The following CYRIB variants were observed in gnomAD, a reference collection of about 807,000 sequenced individuals.
CYRIB encodes the protein CYFIP-related Rac1 interactor B.
A neutral mutation model predicts 44.2 loss-of-function variants in CYRIB; 8 were observed. The ratio of observed to expected loss-of-function variants is 0.18; its 90% CI spans 0.11 to 0.33. The LOEUF (loss-of-function observed/expected upper bound fraction) is 0.33, where lower values mean the gene tolerates loss of function less well. CYRIB is among the 10% of genes least tolerant of loss of function. CYRIB has a pLI of 1.00. For synonymous variants in CYRIB, 131 were observed against 127.2 expected, an observed-to-expected ratio of 1.03 and a Z score of -0.20; for missense variants, 185 against 382.8, an observed-to-expected ratio of 0.48 and a Z score of 4.31.
At chr8:129,881,795 G>T (rs1439627172) in intron 2 of CYRIB, among the ~76,000 whole-genome samples, 1 of 152,148 alleles carries the variant, frequency 6.6e-6, no homozygotes, top group East Asian at 1.9e-4. Context: ...AGTGGATTAG[G>T]TGACATTAAG....
chr8:129,892,097 C>G (rs568916942), intron 2 of CYRIB, among the ~76,000 whole-genome samples: 2 of 152,072 alleles, frequency 1.3e-5, no homozygotes, highest in East Asian at 3.9e-4. Flanking sequence ...ACCACCAATG[C>G]AAATTACTGT....
Position 129,967,494 on chromosome 8 carries a change from T to C in CYRIB, c.-243+3449A>G, listed in dbSNP as rs377658963. On this transcript the variant is annotated intron_variant, in intron 2 of 14. Transcript: ENST00000401979. Reference sequence around the variant, plus strand: ...TCCCAGGTTCACGCCATTCTCCTGCTTCAGCCTCCCGAGTAGCTGGGACTA... The same window carrying C: ...TCCCAGGTTCACGCCATTCTCCTGCCTCAGCCTCCCGAGTAGCTGGGACTA... 2.0e-4 allele frequency among the ~76,000 whole-genome samples: 30 copies of C among 151,932 alleles called. 1 individual carries two copies. In the South Asian group the frequency reaches 5.0e-3, roughly 25 times the overall value.
exon 12 of CYRIB, chr8:129,842,012 G>T (rs2036561039): frequency 7.6e-6 from 5 of 659,208 alleles, no homozygotes; most frequent in Non-Finnish European, 1.0e-5. Flanking sequence ...TAAAAAAGAG[G>T]GAAGAGGAAC....
chr8:129,854,240 C>T lies in CYRIB; in HGVS notation c.516+26G>A, dbSNP rs1404314476. ...CTGAGCACTAAGTTACTCTTACCAT[C>T]CCCCTAATTCAAAGCATTAACTTAC... On this transcript the variant is annotated intron_variant, in intron 7 of 11. Transcript: ENST00000519824. 2.6e-6 allele frequency: 4 copies of T among 1,513,572 alleles called. No homozygotes were observed. The Admixed American group carries it at 5.2e-5, about 20-fold the overall frequency. The allele number at this position is 1,513,572 out of a possible 1,614,324, so 93.8% of individuals were successfully genotyped here. A position where few individuals can be genotyped will look rare whatever the true frequency, so the allele number is the denominator to read the frequency against.
upstream of CYRIB, among the ~76,000 whole-genome samples, chr8:129,940,204 C>T (rs540718578): frequency 2.7e-4 from 41 of 152,140 alleles, no homozygotes; most frequent in Non-Finnish European, 4.6e-4. Flanking sequence ...ATGGCAGGAA[C>T]TGGACCTCGG....
intron 1 of CYRIB, among the ~76,000 whole-genome samples, chr8:129,905,439 C>A (rs201945656): frequency 6.6e-6 from 1 of 152,118 alleles, no homozygotes; most frequent in Non-Finnish European, 1.5e-5. Context: ...GGATGGTCTC[C>A]ATCTCCCGAT....
chr8:129,963,305 C>T (rs1373837122), intron 2 of CYRIB, among the ~76,000 whole-genome samples: 1 of 152,142 alleles, frequency 6.6e-6, no homozygotes, highest in African/African-American at 2.4e-5. Context: ...GAAGCCAGTT[C>T]GAGGCGAGAT....
At chr8:129,992,527 C>G (rs1276675302) in intron 1 of CYRIB, among the ~76,000 whole-genome samples, 1 of 152,124 alleles carries the variant, frequency 6.6e-6, no homozygotes, top group East Asian at 1.9e-4. Flanking sequence ...CTGTGAGGCA[C>G]TGTGATAAAT....
At chr8:129,881,966 G>T (rs1355650186) in intron 2 of CYRIB, among the ~76,000 whole-genome samples, 12 of 152,160 alleles carry the variant, frequency 7.9e-5, no homozygotes. Context: ...TTCAATAGAT[G>T]TTGGAAGAAA....
chr8:129,893,854 G>A lies in CYRIB; in HGVS notation c.-11+9458C>T, dbSNP rs189535821. ...GGCCTTTTTTTTTTTTTCCAGCATG[G>A]TTTCCTTGCCAAACATATTTTAAGA... On this transcript the variant is annotated intron_variant, in intron 2 of 11. Coordinates refer to ENST00000519824, the Ensembl canonical transcript of CYRIB. Among the ~76,000 whole-genome samples the A allele has an allele frequency of 4.8e-4, 72 of 148,936 alleles. No homozygotes were observed. The East Asian group carries it at 0.01, about 22-fold the overall frequency.
intron 7 of CYRIB, among the ~76,000 whole-genome samples, chr8:129,852,992 T>G (rs2044154074): frequency 6.6e-6 from 1 of 152,082 alleles, no homozygotes. Context: ...TGTACCAAAA[T>G]GGAAAAAGAC....
chr8:129,879,567 A>T, intron 2 of CYRIB, 96 bp from the exon 5 acceptor site: 1 of 895,176 alleles, frequency 1.1e-6, no homozygotes, highest in South Asian at 1.6e-5. Flanking sequence ...GAAAATGTTC[A>T]TTAGGCCATG....
chr8:129,946,126 TA>T (rs1392072865), intron 2 of CYRIB, among the ~76,000 whole-genome samples: 1 of 152,342 alleles, frequency 6.6e-6, no homozygotes, highest in African/African-American at 2.4e-5. Flanking sequence ...TTTTTCCCTT[TA>T]AAAAAACTCT....
At chr8:129,883,037 G>C (rs1364341717) in intron 2 of CYRIB, among the ~76,000 whole-genome samples, 1 of 141,588 alleles carries the variant, frequency 7.1e-6, no homozygotes, top group Admixed American at 7.9e-5. Flanking sequence ...CTCTACTAAA[G>C]GAGGCGGCAG....
intron 2 of CYRIB, among the ~76,000 whole-genome samples, chr8:129,957,618 G>A (rs1171265019): frequency 6.6e-6 from 1 of 152,076 alleles, no homozygotes; most frequent in Admixed American, 6.6e-5. Context: ...ATTACTTGAA[G>A]TCAGGTGTTC....
chr8:129,965,828 C>T (rs141655742), intron 2 of CYRIB, among the ~76,000 whole-genome samples: 110 of 151,460 alleles, frequency 7.3e-4, no homozygotes, highest in African/African-American at 2.3e-3. Context: ...TCAATCAATT[C>T]GCTACTTTTT....
chr8:129,991,767 T>C (rs1440136934), intron 1 of CYRIB, among the ~76,000 whole-genome samples: 3 of 150,560 alleles, frequency 2.0e-5, no homozygotes. Flanking sequence ...CTAGCCAACA[T>C]GGTGAAACCT....
chr8:129,892,177 A>G (rs2065717404), intron 2 of CYRIB, among the ~76,000 whole-genome samples: 1 of 152,066 alleles, frequency 6.6e-6, no homozygotes, highest in Admixed American at 6.5e-5. Flanking sequence ...TCAAGTACAG[A>G]CAAAGAGTAT....
chr8:130,001,260 G>T (rs1209642121), intron 1 of CYRIB, among the ~76,000 whole-genome samples: 1 of 152,126 alleles, frequency 6.6e-6, no homozygotes, highest in African/African-American at 2.4e-5. Flanking sequence ...GTTCTGAAAA[G>T]TGGTCCCTCT....
Sources: allele counts gnomAD v4.1 joint callset (sites outside exome capture counted in the v4.1 genomes callset), GRCh38; gene constraint gnomAD v4.1.1; transcripts MANE v1.5; gene names NCBI Gene and HGNC (gene_info 2026-07-23, HGNC 2026-07-21).